The following TMEM178B variants were observed in gnomAD, a reference collection of about 807,000 sequenced individuals.
TMEM178B encodes the protein transmembrane protein 178B.
TMEM178B carries 5 observed loss-of-function variants against 31.0 expected under a neutral mutation model. That is an observed-to-expected ratio of 0.16 (90% confidence interval 0.08 to 0.34). TMEM178B has a LOEUF of 0.34. TMEM178B is among the 10% of genes least tolerant of loss of function. The pLI, the probability that TMEM178B is intolerant of heterozygous loss-of-function variation, is 1.00. For missense variants in TMEM178B, 275 were observed against 400.3 expected (o/e 0.69, Z 2.67); for synonymous variants, 164 against 164.0 (o/e 1.00, Z 0.00).
At chr7:141,402,077 A>G (rs1294605887) in intron 2 of TMEM178B, among the ~76,000 whole-genome samples, 2 of 152,030 alleles carry the variant, frequency 1.3e-5, no homozygotes, top group Non-Finnish European at 2.9e-5. Flanking sequence ...CGTGTAAGGT[A>G]CTCCACGGTG....
At chr7:141,247,024 C>A (rs1269824305) in intron 2 of TMEM178B, among the ~76,000 whole-genome samples, 1 of 152,124 alleles carries the variant, frequency 6.6e-6, no homozygotes, top group African/African-American at 2.4e-5. Context: ...ACATGTGTCT[C>A]TGATTCGCGA....
At chr7:141,188,779 A>G (rs1307873593) in intron 1 of TMEM178B, among the ~76,000 whole-genome samples, 2 of 152,236 alleles carry the variant, frequency 1.3e-5, no homozygotes, top group Non-Finnish European at 2.9e-5. Flanking sequence ...ACACACAAAA[A>G]TTACAGGCTG....
chr7:141,329,999 G>A (rs751186480), intron 2 of TMEM178B, among the ~76,000 whole-genome samples: 15 of 152,164 alleles, frequency 9.9e-5, no homozygotes, highest in South Asian at 4.1e-4. Flanking sequence ...GATACACTAG[G>A]ACTGTCACTG....
chr7:141,216,557 G>A (rs1188443351), intron 2 of TMEM178B, among the ~76,000 whole-genome samples: 2 of 151,898 alleles, frequency 1.3e-5, no homozygotes, highest in East Asian at 1.9e-4. Context: ...GTGTGTGTGT[G>A]TGGTAGGGAA....
intron 2 of TMEM178B, among the ~76,000 whole-genome samples, chr7:141,429,511 G>A (rs775999821): frequency 1.2e-4 from 18 of 152,226 alleles, no homozygotes; most frequent in Non-Finnish European, 2.5e-4. Context: ...GTAGAGAATA[G>A]AACAGTGGTT....
intron 2 of TMEM178B, among the ~76,000 whole-genome samples, chr7:141,370,187 C>A (rs745504745): frequency 6.6e-6 from 1 of 151,800 alleles, no homozygotes; most frequent in Admixed American, 6.6e-5. Flanking sequence ...AGGAATGGAA[C>A]GTTGCAGAGA....
chr7:141,116,965 T>C (rs1268223202), intron 1 of TMEM178B, among the ~76,000 whole-genome samples: 1 of 152,208 alleles, frequency 6.6e-6, no homozygotes, highest in Non-Finnish European at 1.5e-5. Flanking sequence ...TCAACAGTGC[T>C]GCAATAAACT....
chr7:141,351,318 C>T (rs924314781), intron 2 of TMEM178B, among the ~76,000 whole-genome samples: 1 of 152,266 alleles, frequency 6.6e-6, no homozygotes, highest in Non-Finnish European at 1.5e-5. Flanking sequence ...AGAGGTCACT[C>T]ATGCATTTAC....
intron 2 of TMEM178B, among the ~76,000 whole-genome samples, chr7:141,392,061 G>T (rs1563169529): frequency 6.8e-6 from 1 of 146,962 alleles, no homozygotes; most frequent in African/African-American, 2.5e-5. Context: ...GAATTCTATG[G>T]TTTTTTTTTT....
At chr7:141,337,481 A>G (rs965518164) in intron 2 of TMEM178B, among the ~76,000 whole-genome samples, 1 of 152,148 alleles carries the variant, frequency 6.6e-6, no homozygotes, top group Non-Finnish European at 1.5e-5. Flanking sequence ...GTAATTGTCA[A>G]AAAAACTCTA....
intron 1 of TMEM178B, among the ~76,000 whole-genome samples, chr7:141,189,934 C>T (rs530934061): frequency 1.3e-5 from 2 of 152,294 alleles, no homozygotes; most frequent in South Asian, 4.2e-4. Context: ...GGGAATTGGC[C>T]ATCCCCACAT....
chr7:141,323,638 A>G (rs1799138896), intron 2 of TMEM178B, among the ~76,000 whole-genome samples: 1 of 152,168 alleles, frequency 6.6e-6, no homozygotes, highest in Non-Finnish European at 1.5e-5. Context: ...ACTGTATTTT[A>G]GCATTTATAT....
At chr7:141,382,437 A>G (rs1800335243) in intron 2 of TMEM178B, among the ~76,000 whole-genome samples, 1 of 152,152 alleles carries the variant, frequency 6.6e-6, no homozygotes, top group Admixed American at 6.6e-5. Context: ...ATTTGTGAAT[A>G]TTGCTTGTTA....
At chr7:141,442,303 T>C (rs1466290714) in intron 3 of TMEM178B, among the ~76,000 whole-genome samples, 1 of 152,202 alleles carries the variant, frequency 6.6e-6, no homozygotes, top group Non-Finnish European at 1.5e-5. Flanking sequence ...ATCTTTTGTC[T>C]AGGCTAATGC....
At chr7:141,101,945 A>AGTGTGTGTGTG in intron 1 of TMEM178B, among the ~76,000 whole-genome samples, 1 of 141,450 alleles carries the variant, frequency 7.1e-6, no homozygotes, top group Non-Finnish European at 1.6e-5. Flanking sequence ...GTGTGTGTAC[A>AGTGTGTGTGTG]TACATGCTCA....
intron 2 of TMEM178B, among the ~76,000 whole-genome samples, chr7:141,433,009 GA>G (rs1563181238): frequency 6.6e-6 from 1 of 152,236 alleles, no homozygotes; most frequent in East Asian, 1.9e-4. Flanking sequence ...CCAAGTAGAA[GA>G]GAGCTGGGAT....
intron 1 of TMEM178B, among the ~76,000 whole-genome samples, chr7:141,186,340 A>G (rs1228863946): frequency 2.0e-5 from 3 of 152,126 alleles, no homozygotes; most frequent in Non-Finnish European, 4.4e-5. Context: ...CAGGAAACCC[A>G]CAAAGATTAT....
chr7:141,212,973 C>T (rs1024231304), intron 2 of TMEM178B, among the ~76,000 whole-genome samples: 2 of 152,250 alleles, frequency 1.3e-5, no homozygotes, highest in African/African-American at 4.8e-5. Flanking sequence ...TCTTATTTCA[C>T]TACCCTGGTA....
At chr7:141,325,696 A>C (rs1799177768) in intron 2 of TMEM178B, among the ~76,000 whole-genome samples, 1 of 152,152 alleles carries the variant, frequency 6.6e-6, no homozygotes, top group South Asian at 2.1e-4. Context: ...AGACTTGGAA[A>C]AGTGACATCA....
Sources: gnomAD v4.1 joint callset for allele counts (sites outside exome capture counted in the v4.1 genomes callset) on GRCh38, gnomAD v4.1.1 for gene constraint, MANE v1.5 for transcripts, NCBI Gene and HGNC (gene_info 2026-07-23, HGNC 2026-07-21) for gene names.